Variants in RYR3 observed in about 807,000 individuals in gnomAD.
The protein encoded by RYR3 is brain ryanodine receptor-calcium release channel.
In RYR3, 207 loss-of-function variants were observed where a neutral mutation model predicts 584.3. That is an observed-to-expected ratio of 0.35 (90% CI 0.32 to 0.40). The LOEUF (loss-of-function observed/expected upper bound fraction) is 0.40, where lower values mean the gene tolerates loss of function less well. Ranked by LOEUF, RYR3 falls within the 10% of genes least tolerant of loss-of-function variation. RYR3 has a pLI of 1.00. For missense variants in RYR3, 5,616 were observed against 6,089.2 expected (o/e 0.92, Z 2.59); for synonymous variants, 2,416 against 2,248.5 (o/e 1.07, Z -2.11).
chr15:33,589,078 G>A (rs1344524419), intron 16 of RYR3, among the ~76,000 whole-genome samples: 5 of 152,088 alleles, frequency 3.3e-5, no homozygotes, highest in Admixed American at 1.3e-4. Flanking sequence ...TCCTACCAAC[G>A]TGTATAAGCA....
chr15:33,341,856 A>G (rs1410582170), intron 1 of RYR3, among the ~76,000 whole-genome samples: 2 of 152,154 alleles, frequency 1.3e-5, no homozygotes, highest in Non-Finnish European at 2.9e-5. Flanking sequence ...TTAAAAAAAA[A>G]AATTAGAGCT....
At chr15:33,852,987 G>T (rs2079261501) in intron 94 of RYR3, 58 bp from the exon 95 acceptor site, 3 of 1,445,386 alleles carry the variant, frequency 2.1e-6, no homozygotes, top group East Asian at 4.7e-5. Context: ...AACGTTTCTT[G>T]ATGTGTTTTC....
Position 33,589,121 on chromosome 15 carries a change from T to C in RYR3, c.1788+3005T>C, listed in dbSNP as rs193209254. On this transcript the variant is annotated intron_variant, in intron 16 of 103. Coordinates refer to ENST00000634891, the MANE Select transcript of RYR3 (RefSeq NM_001036.6). ...TTCTCTGTATCCTCACCGACATTTATTATGTTTTAATCTTTTCAATAATGG... is the reference window on the plus strand; with the variant it reads ...TTCTCTGTATCCTCACCGACATTTACTATGTTTTAATCTTTTCAATAATGG... 7.4e-4 allele frequency among the ~76,000 whole-genome samples: 113 copies of C among 152,304 alleles called. 1 individual carries two copies. Among genetic ancestry groups the C allele is most frequent in the East Asian group, 6.8e-3 (35 of 5,180 alleles).
intron 32 of RYR3, among the ~76,000 whole-genome samples, 195 bp downstream of exon 32, chr15:33,653,078 C>A (rs1379863344): frequency 6.6e-6 from 1 of 152,138 alleles, no homozygotes; most frequent in Non-Finnish European, 1.5e-5. Context: ...AAAGGCTGGG[C>A]AATCATAGTT....
intron 43 of RYR3, among the ~76,000 whole-genome samples, chr15:33,717,474 A>C (rs992734972): frequency 6.6e-6 from 1 of 151,982 alleles, no homozygotes; most frequent in African/African-American, 2.4e-5. Flanking sequence ...GTCCATCACC[A>C]AGTTCTGTTG....
At chr15:33,335,298 AC>A in intron 1 of RYR3, among the ~76,000 whole-genome samples, 1 of 152,232 alleles carries the variant, frequency 6.6e-6, no homozygotes, top group Non-Finnish European at 1.5e-5. Flanking sequence ...TCAGTGATAG[AC>A]TGGATAAAGA....
At chr15:33,515,252 C>T (rs1183834638) in intron 3 of RYR3, among the ~76,000 whole-genome samples, 7 of 152,172 alleles carry the variant, frequency 4.6e-5, no homozygotes, top group Admixed American at 4.6e-4. Context: ...ACTGTCTAAA[C>T]CATCGAAGCC....
chr15:33,422,281 A>G (rs1262801717), intron 1 of RYR3, among the ~76,000 whole-genome samples: 1 of 152,156 alleles, frequency 6.6e-6, no homozygotes, highest in Admixed American at 6.6e-5. Context: ...AGCAGCAGTG[A>G]GTGACTTCAT....
intron 46 of RYR3, among the ~76,000 whole-genome samples, chr15:33,727,766 C>T (rs1222090796): frequency 2.6e-5 from 4 of 152,286 alleles, no homozygotes; most frequent in Admixed American, 2.6e-4. Context: ...CCACACTTTT[C>T]CGGTACAGTA....
At chr15:33,673,625 C>G (rs915274809) in intron 38 of RYR3, among the ~76,000 whole-genome samples, 51 of 152,174 alleles carry the variant, frequency 3.4e-4, no homozygotes, top group Non-Finnish European at 1.3e-4. Context: ...AGCAGCATTT[C>G]CTTCAATGTA....
chr15:33,772,814 G>A (rs2073685659), intron 63 of RYR3, among the ~76,000 whole-genome samples: 1 of 152,160 alleles, frequency 6.6e-6, no homozygotes, highest in Non-Finnish European at 1.5e-5. Context: ...TTGTGTGGGG[G>A]CTGGAAGAAC....
intron 1 of RYR3, among the ~76,000 whole-genome samples, chr15:33,312,855 A>C (rs890572517): frequency 5.9e-5 from 9 of 152,022 alleles, no homozygotes; most frequent in African/African-American, 1.9e-4. Context: ...CTGGCATTGT[A>C]AGTGTTTTTT....
At chr15:33,864,978 G>A (rs1043589405) in intron 103 of RYR3, among the ~76,000 whole-genome samples, 153 bp from the exon 104 acceptor site, 1 of 152,208 alleles carries the variant, frequency 6.6e-6, no homozygotes, top group African/African-American at 2.4e-5. Flanking sequence ...CAAACAGCCT[G>A]TGCTGGGAAT....
intron 38 of RYR3, among the ~76,000 whole-genome samples, chr15:33,695,947 C>CTTTTT (rs1165160004): frequency 5.2e-5 from 5 of 95,456 alleles, no homozygotes; most frequent in East Asian, 3.0e-4. Context: ...CCACACCCAG[C>CTTTTT]TTTTTTTTTT....
chr15:33,794,044 A>ATATATATAAATGTATTATG, intron 67 of RYR3, among the ~76,000 whole-genome samples: 1 of 23,104 alleles, frequency 4.3e-5, no homozygotes, highest in Admixed American at 3.2e-4. Flanking sequence ...ACATAAATAC[A>ATATATATAAATGTATTATG]TATATATAAA....
chr15:33,566,629 A>T (rs2057730879), intron 11 of RYR3, 49 bp from the exon 12 acceptor site: 8 of 1,603,422 alleles, frequency 5.0e-6, no homozygotes, highest in Non-Finnish European at 6.8e-6. Context: ...GACTGCCCAT[A>T]TGTGGAATAA....
intron 2 of RYR3, among the ~76,000 whole-genome samples, chr15:33,499,666 T>C (rs893775955): frequency 5.9e-5 from 9 of 152,218 alleles, no homozygotes; most frequent in African/African-American, 2.2e-4. Context: ...TTAGTTTATT[T>C]TGAGAAGTAG....
intron 3 of RYR3, among the ~76,000 whole-genome samples, chr15:33,504,784 C>A (rs1422579399): frequency 6.6e-6 from 1 of 152,186 alleles, no homozygotes; most frequent in Non-Finnish European, 1.5e-5. Context: ...CTCTCTCTGC[C>A]TCAAACATGC....
At chr15:33,550,377 G>A in intron 10 of RYR3, 61 bp downstream of exon 10, 2 of 1,497,590 alleles carry the variant, frequency 1.3e-6, no homozygotes, top group Admixed American at 2.2e-5. Context: ...GAAACCTCCA[G>A]GCAGAACTAT....
Sources: gnomAD v4.1 joint callset for allele counts (sites outside exome capture counted in the v4.1 genomes callset) on GRCh38, gnomAD v4.1.1 for gene constraint, MANE v1.5 for transcripts, NCBI Gene and HGNC (gene_info 2026-07-23, HGNC 2026-07-21) for gene names.